PKNOX1: variants seen among roughly 807,000 people sequenced by gnomAD.
The protein encoded by PKNOX1 is PBX/knotted 1 homeobox 1.
In PKNOX1, 15 loss-of-function variants were observed where a neutral mutation model predicts 51.9. The ratio of observed to expected loss-of-function variants is 0.29; its 90% confidence interval spans 0.19 to 0.45. PKNOX1 has a LOEUF of 0.45. Among genes scored for constraint, PKNOX1 ranks in the 20% least tolerant of loss-of-function variants. The probability of loss-of-function intolerance (pLI) is 1.00; values close to 1 mark genes in which losing one functional copy is unlikely to be tolerated. For missense variants in PKNOX1, 462 were observed against 547.5 expected (o/e 0.84, Z 1.56); for synonymous variants, 219 against 211.1 (o/e 1.04, Z -0.32).
intron 6 of PKNOX1, 26 bp from the exon 7 acceptor site, chr21:43,018,107 C>T (rs748927624): frequency 9.8e-6 from 12 of 1,226,188 alleles, no homozygotes; most frequent in African/African-American, 3.0e-5. Flanking sequence ...TAAAAGCAGC[C>T]TCATATTTTT....
At chr21:43,007,063 A>G (rs906529810) in intron 2 of PKNOX1, among the ~76,000 whole-genome samples, 6 of 152,122 alleles carry the variant, frequency 3.9e-5, no homozygotes, top group African/African-American at 7.2e-5. Context: ...GATATGGGAG[A>G]AGTTCAACCT....
At chr21:43,005,774 C>CCA (rs1978961864) in intron 2 of PKNOX1, among the ~76,000 whole-genome samples, 1 of 152,076 alleles carries the variant, frequency 6.6e-6, no homozygotes, top group Non-Finnish European at 1.5e-5. Flanking sequence ...TCCTGCCTGC[C>CCA]AGGTCTTTGC....
At chr21:43,023,636 T>TA (rs1360943643) in intron 8 of PKNOX1, among the ~76,000 whole-genome samples, 3 of 151,694 alleles carry the variant, frequency 2.0e-5, no homozygotes, top group Non-Finnish European at 2.9e-5. Context: ...TGGATTTTTT[T>TA]TTTTTATTTT....
chr21:42,977,337 TCTC>T (rs1354860715), intron 1 of PKNOX1, among the ~76,000 whole-genome samples: 1 of 152,168 alleles, frequency 6.6e-6, no homozygotes, highest in Admixed American at 6.6e-5. Context: ...CTAGATGTCA[TCTC>T]CTTCCAAAGG....
intron 3 of PKNOX1, among the ~76,000 whole-genome samples, chr21:43,009,358 T>C (rs1979139684): frequency 1.3e-5 from 2 of 152,010 alleles, no homozygotes; most frequent in African/African-American, 4.8e-5. Flanking sequence ...GGCAGGAGAA[T>C]CGCTTGAACC....
At chr21:42,993,092 G>A (rs1196476403) in intron 1 of PKNOX1, among the ~76,000 whole-genome samples, 1 of 152,066 alleles carries the variant, frequency 6.6e-6, no homozygotes, top group African/African-American at 2.4e-5. Context: ...CATTTCCACT[G>A]CATTCTCTTG....
chr21:42,978,317 A>G (rs1177531146), intron 1 of PKNOX1, among the ~76,000 whole-genome samples: 2 of 151,774 alleles, frequency 1.3e-5, no homozygotes, highest in Non-Finnish European at 2.9e-5. Flanking sequence ...TTTCTTATTC[A>G]TGTGTTCACT....
intron 5 of PKNOX1, among the ~76,000 whole-genome samples, chr21:43,014,221 C>CT (rs1478616491): frequency 6.6e-6 from 1 of 152,042 alleles, no homozygotes; most frequent in East Asian, 1.9e-4. Flanking sequence ...CGGGGTTTCA[C>CT]CGTATTAGCC....
chr21:43,018,189 C>G lies in PKNOX1; in HGVS notation c.679C>G (p.Gln227Glu), dbSNP rs777822599. Residue 227 changes from glutamine (Q) to glutamate (E), a missense_variant, in exon 7 of 11, where the codon CAG (glutamine) becomes GAG (glutamate). By Grantham distance (29) the Gln-to-Glu change is conservative (BLOSUM62 2). This residue lies in a region of PKNOX1 where 126 missense variants were observed against 128.1 expected (regional missense o/e 0.98). Transcript: ENST00000291547. ...VVTPQGQVVTQTLSPGTIRIQ... is the reference protein window; with the variant it reads ...VVTPQGQVVTETLSPGTIRIQ... ...CACTCCCCAAGGCCAAGTGGTCACA[C>G]AGACATTGTCGCCTGGGACAATTAG... 6.2e-7 allele frequency: 1 copy of G among 1,613,732 alleles called. No individual in the cohort carries two copies. The highest frequency in any genetic ancestry group is 1.7e-5 in the Admixed American group (1 of 59,992).
intron 8 of PKNOX1, among the ~76,000 whole-genome samples, chr21:43,023,122 G>T (rs893103126): frequency 6.6e-6 from 1 of 151,848 alleles, no homozygotes. Flanking sequence ...GTAGTTTCCC[G>T]CATACTCTGG....
At chr21:43,012,893 C>T (rs1362127853) in intron 4 of PKNOX1, among the ~76,000 whole-genome samples, 175 bp from the exon 5 acceptor site, 2 of 152,200 alleles carry the variant, frequency 1.3e-5, no homozygotes, top group African/African-American at 2.4e-5. Flanking sequence ...CACCAAAGCC[C>T]AGGTCAGTGG....
chr21:43,011,883 G>A (rs1979270831), intron 4 of PKNOX1, among the ~76,000 whole-genome samples: 2 of 152,112 alleles, frequency 1.3e-5, no homozygotes, highest in Admixed American at 1.3e-4. Context: ...TTTGGGTGAG[G>A]ATCCGATGCT....
rs866605442 is a variant in PKNOX1, at chr21:42,987,345, A to G, written c.-57+12681A>G. Among the ~76,000 whole-genome samples the G allele has an allele frequency of 1.2e-3, 159 of 135,724 alleles. No homozygotes were observed. The Middle Eastern group carries it at 0.018, about 15-fold the overall frequency. The allele number at this position is 135,724 out of a possible 152,430, so 89.0% of individuals were successfully genotyped here. Reference sequence around the variant, plus strand: ...TGCAGTGAGCTGAGATCGTGCCATTACACTCCAGCCTGGGCAACAAGAGCT... The same window carrying G: ...TGCAGTGAGCTGAGATCGTGCCATTGCACTCCAGCCTGGGCAACAAGAGCT... On this transcript the variant is annotated intron_variant, in intron 1 of 10. Coordinates refer to ENST00000291547, the MANE Select transcript of PKNOX1 (RefSeq NM_004571.5).
chr21:42,976,478 A>G (rs2058998287), intron 1 of PKNOX1, among the ~76,000 whole-genome samples: 1 of 152,170 alleles, frequency 6.6e-6, no homozygotes, highest in Non-Finnish European at 1.5e-5. Context: ...TCTTTGTAGC[A>G]TGTGATGCTG....
chr21:42,975,241 GCGACCC>G (rs977763905), intron 1 of PKNOX1, among the ~76,000 whole-genome samples: 6 of 149,688 alleles, frequency 4.0e-5, no homozygotes, highest in Non-Finnish European at 6.0e-5. Context: ...GATGGCGGCC[GCGACCC>G]CGGCCCCGGC....
At chr21:43,029,515 C>T (rs1461292217) in intron 10 of PKNOX1, among the ~76,000 whole-genome samples, 1 of 139,308 alleles carries the variant, frequency 7.2e-6, no homozygotes, top group Non-Finnish European at 1.5e-5. Flanking sequence ...GAAACCTCTG[C>T]CTACCAGGTT....
chr21:42,981,639 A>G (rs1252328513), intron 1 of PKNOX1, among the ~76,000 whole-genome samples: 1 of 152,086 alleles, frequency 6.6e-6, no homozygotes, highest in Non-Finnish European at 1.5e-5. Context: ...GGCCCACTGC[A>G]GCCGGGAGCT....
intron 1 of PKNOX1, among the ~76,000 whole-genome samples, chr21:42,986,613 GA>G (rs2059053601): frequency 6.6e-6 from 1 of 152,224 alleles, no homozygotes; most frequent in Non-Finnish European, 1.5e-5. Flanking sequence ...AAGAGAGATG[GA>G]CAACTGGCTT....
At position 43,024,893 on chromosome 21, in the gene PKNOX1, A is replaced by G; in HGVS notation, c.872A>G (p.Glu291Gly). The stretch of plus-strand genomic sequence containing the variant: ...CAGCATCCCTACCCAACAGAGGATG[A>G]GAAAAAACAGATTGCTGCTCAGACA... Reference protein sequence around the residue: ...HIGHPYPTEDEKKQIAAQTNL... With the variant: ...HIGHPYPTEDGKKQIAAQTNL... The change falls in exon 9 of 11, where the codon GAG (glutamate) becomes GGG (glycine). Residue 291 changes from glutamate (E) to glycine (G), a missense_variant. Transcript: ENST00000291547. 1 of 1,611,596 alleles carries G rather than the reference A, an allele frequency of 6.2e-7. No homozygotes were observed. Among genetic ancestry groups the G allele is most frequent in the Non-Finnish European group, 8.5e-7 (1 of 1,177,742 alleles).
Sources: allele counts gnomAD v4.1 joint callset (sites outside exome capture counted in the v4.1 genomes callset), GRCh38; gene constraint gnomAD v4.1.1; regional missense constraint gnomAD v4.1.1; transcripts MANE v1.5; gene names NCBI Gene and HGNC (gene_info 2026-07-23, HGNC 2026-07-21).